The following MAGI2 variants were observed in gnomAD, a reference collection of about 807,000 sequenced individuals.
MAGI2 encodes the protein membrane associated guanylate kinase, WW and PDZ domain containing 2.
MAGI2 carries 35 observed loss-of-function variants against 133.3 expected under a neutral mutation model. The observed-to-expected ratio is 0.26, with a 90% CI of 0.20 to 0.35. MAGI2 has a LOEUF of 0.35. Ranked by LOEUF, MAGI2 falls within the 10% of genes least tolerant of loss-of-function variation. The pLI is 1.00. For missense variants in MAGI2, 1,636 were observed against 1,863.4 expected (o/e 0.88, Z 2.25); for synonymous variants, 729 against 710.6 (o/e 1.03, Z -0.41).
chr7:78,286,966 G>A (rs984398915), intron 9 of MAGI2, among the ~76,000 whole-genome samples: 1 of 152,200 alleles, frequency 6.6e-6, no homozygotes, highest in Non-Finnish European at 1.5e-5. Flanking sequence ...GGAATACTGC[G>A]ACATAAGGCT....
chr7:78,402,534 T>C (rs1025261942), intron 6 of MAGI2, among the ~76,000 whole-genome samples: 7 of 152,204 alleles, frequency 4.6e-5, no homozygotes, highest in Non-Finnish European at 8.8e-5. Context: ...TTTCAACTAA[T>C]ATCATGCTAT....
At chr7:79,391,330 T>A (rs1844589363) in intron 1 of MAGI2, among the ~76,000 whole-genome samples, 1 of 151,400 alleles carries the variant, frequency 6.6e-6, no homozygotes, top group African/African-American at 2.4e-5. Context: ...ATAACAAAGA[T>A]TCAAAACAAA....
intron 1 of MAGI2, among the ~76,000 whole-genome samples, chr7:79,048,094 T>C (rs1327874851): frequency 2.6e-5 from 4 of 152,292 alleles, no homozygotes; most frequent in African/African-American, 7.2e-5. Flanking sequence ...CATGTGGCAC[T>C]GTAACGCAGC....
intron 2 of MAGI2, among the ~76,000 whole-genome samples, chr7:78,798,074 G>C (rs368949731): frequency 6.6e-6 from 1 of 152,182 alleles, no homozygotes; most frequent in Non-Finnish European, 1.5e-5. Context: ...ACAAAAATAT[G>C]TAACAGGTTG....
intron 10 of MAGI2, among the ~76,000 whole-genome samples, chr7:78,225,472 C>T (rs969905129): frequency 6.6e-6 from 1 of 152,144 alleles, no homozygotes; most frequent in Non-Finnish European, 1.5e-5. Flanking sequence ...ACCTCAGCCT[C>T]CCGAGTAGCC....
chr7:79,390,245 T>G (rs1008816569), intron 1 of MAGI2, among the ~76,000 whole-genome samples: 1 of 152,146 alleles, frequency 6.6e-6, no homozygotes, highest in Non-Finnish European at 1.5e-5. Flanking sequence ...CAGGACGCAA[T>G]TCCACTCTGG....
At chr7:78,396,539 C>CA (rs1796362107) in intron 6 of MAGI2, among the ~76,000 whole-genome samples, 1 of 152,206 alleles carries the variant, frequency 6.6e-6, no homozygotes, top group African/African-American at 2.4e-5. Flanking sequence ...ACCTTGCCTT[C>CA]ACCATGCTAT....
chr7:78,120,308 C>T (rs1820305908), intron 20 of MAGI2, among the ~76,000 whole-genome samples: 1 of 152,166 alleles, frequency 6.6e-6, no homozygotes, highest in Non-Finnish European at 1.5e-5. Context: ...GAGGCTGAGG[C>T]AGGAAAATGG....
intron 1 of MAGI2, among the ~76,000 whole-genome samples, chr7:79,094,858 AGGCTTTGTTTTTCAATTTATG>A (rs1817382686): frequency 6.6e-6 from 1 of 152,192 alleles, no homozygotes; most frequent in African/African-American, 2.4e-5. Context: ...GTTGTCATCT[AGGCTTTGTTTTTCAATTTATG>A]GAACATGGGT....
At chr7:78,909,431 A>G (rs1798226731) in intron 2 of MAGI2, among the ~76,000 whole-genome samples, 1 of 35,552 alleles carries the variant, frequency 2.8e-5, no homozygotes, top group Non-Finnish European at 5.9e-5. Flanking sequence ...GTCTCTACTA[A>G]AAAAAAAAAA....
chr7:78,061,443 C>T (rs11763330), intron 21 of MAGI2, among the ~76,000 whole-genome samples: 41,935 of 139,446 alleles, frequency 0.3, 6,412 homozygotes, highest in East Asian at 0.51. Flanking sequence ...CACACACACA[C>T]ACACACACAC....
intron 10 of MAGI2, among the ~76,000 whole-genome samples, chr7:78,244,002 C>T (rs1791467536): frequency 6.7e-6 from 1 of 150,306 alleles, no homozygotes; most frequent in African/African-American, 2.4e-5. Context: ...GAAAAACTAC[C>T]AGCCAACCTA....
intron 16 of MAGI2, among the ~76,000 whole-genome samples, chr7:78,136,017 A>T (rs1822080912): frequency 6.6e-6 from 1 of 152,242 alleles, no homozygotes; most frequent in African/African-American, 2.4e-5. Context: ...TGATTATAAG[A>T]TGCTCTCCAA....
chr7:78,978,811 A>T (rs1804523938), intron 2 of MAGI2, among the ~76,000 whole-genome samples: 1 of 151,866 alleles, frequency 6.6e-6, no homozygotes, highest in Non-Finnish European at 1.5e-5. Flanking sequence ...TGAAAGATTA[A>T]ATGCAAGGGA....
intron 1 of MAGI2, among the ~76,000 whole-genome samples, chr7:79,122,074 C>T (rs552029373): frequency 4.6e-5 from 7 of 152,222 alleles, no homozygotes; most frequent in East Asian, 3.9e-4. Context: ...TTCAATTAAT[C>T]GTTATTGCTT....
At chr7:79,159,410 G>A (rs188679684) in intron 1 of MAGI2, among the ~76,000 whole-genome samples, 20 of 151,470 alleles carry the variant, frequency 1.3e-4, no homozygotes, top group East Asian at 1.2e-3. Context: ...TCAGCTACTC[G>A]GGAGGCTGAG....
At chr7:78,290,906 A>G (rs1796635839) in intron 9 of MAGI2, among the ~76,000 whole-genome samples, 1 of 152,244 alleles carries the variant, frequency 6.6e-6, no homozygotes, top group African/African-American at 2.4e-5. Context: ...AAGACACAAC[A>G]TACCAGAATC....
chr7:78,975,955 A>G (rs1243789613), intron 2 of MAGI2, among the ~76,000 whole-genome samples: 2 of 151,668 alleles, frequency 1.3e-5, no homozygotes, highest in East Asian at 3.9e-4. Context: ...ATAAACTATC[A>G]AAACTCACAT....
At chr7:79,209,537 TA>T (rs1318164233) in intron 1 of MAGI2, among the ~76,000 whole-genome samples, 1 of 152,134 alleles carries the variant, frequency 6.6e-6, no homozygotes, top group Middle Eastern at 3.4e-3. Flanking sequence ...TGTGATTCTC[TA>T]AAAGCACCAC....
Sources: allele counts gnomAD v4.1 joint callset (sites outside exome capture counted in the v4.1 genomes callset), GRCh38; gene constraint gnomAD v4.1.1; transcripts MANE v1.5; gene names NCBI Gene and HGNC (gene_info 2026-07-23, HGNC 2026-07-21).